Variants in CD96 observed in about 807,000 individuals in gnomAD.
The protein encoded by CD96 is T-cell surface protein tactile.
CD96 carries 70 observed loss-of-function variants against 71.3 expected under a neutral mutation model. The observed-to-expected ratio is 0.98, with a 90% CI of 0.81 to 1.20. CD96 has a LOEUF of 1.20. Among genes scored for constraint, CD96 ranks in the 50% most tolerant of loss-of-function variants. The pLI is 0.00. For synonymous variants in CD96, 248 were observed against 233.0 expected, an observed-to-expected ratio of 1.06 and a Z score of -0.59; for missense variants, 742 against 677.5, an observed-to-expected ratio of 1.10 and a Z score of -1.06.
chr3:111,543,300 C>G (rs570255494), intron 1 of CD96, among the ~76,000 whole-genome samples: 1 of 152,226 alleles, frequency 6.6e-6, no homozygotes, highest in South Asian at 2.1e-4. Flanking sequence ...AAAACTGAGG[C>G]CAACACTATT....
chr3:111,608,484 T>G (rs145947251), intron 8 of CD96, among the ~76,000 whole-genome samples: 86 of 152,340 alleles, frequency 5.6e-4, no homozygotes, highest in African/African-American at 1.9e-3. Context: ...AAAGGCAATG[T>G]GGTTTGATCT....
intron 7 of CD96, among the ~76,000 whole-genome samples, chr3:111,603,103 T>C (rs1937533585): frequency 6.6e-6 from 1 of 152,086 alleles, no homozygotes; most frequent in Non-Finnish European, 1.5e-5. Context: ...ACCTGCAGAA[T>C]TCCCATGATC....
At chr3:111,554,965 G>T (rs183471458) in intron 2 of CD96, among the ~76,000 whole-genome samples, 1 of 151,956 alleles carries the variant, frequency 6.6e-6, no homozygotes, top group African/African-American at 2.4e-5. Context: ...CCTCAAATGT[G>T]TAATTCACAA....
chr3:111,615,167 A>T (rs1008579269), intron 8 of CD96, among the ~76,000 whole-genome samples: 2 of 152,256 alleles, frequency 1.3e-5, no homozygotes, highest in African/African-American at 2.4e-5. Context: ...GTTCTGCATT[A>T]ACCATTGAAG....
intron 5 of CD96, 31 bp downstream of exon 5, chr3:111,585,409 C>T (rs770800180): frequency 2.9e-6 from 4 of 1,397,672 alleles, no homozygotes; most frequent in East Asian, 4.6e-5. Flanking sequence ...TGAAAATCTA[C>T]AGTATTACAT....
At chr3:111,577,683 G>T in intron 3 of CD96, 1 of 759,228 alleles carries the variant, frequency 1.3e-6, no homozygotes, top group Admixed American at 1.8e-5. Context: ...TTACATAAGA[G>T]TTTCTACTAA....
At chr3:111,662,402 G>A (rs1053376961) in intron 14 of CD96, among the ~76,000 whole-genome samples, 1 of 152,166 alleles carries the variant, frequency 6.6e-6, no homozygotes, top group African/African-American at 2.4e-5. Context: ...CAGCAGCCTC[G>A]AAAGTCCCCC....
chr3:111,588,050 T>C (rs992476508), intron 5 of CD96, among the ~76,000 whole-genome samples: 1 of 152,250 alleles, frequency 6.6e-6, no homozygotes, highest in East Asian at 1.9e-4. Context: ...TTGTTACTTA[T>C]GCAAATTTCT....
chr3:111,616,491 A>G (rs1036944953), intron 8 of CD96, among the ~76,000 whole-genome samples: 5 of 152,020 alleles, frequency 3.3e-5, no homozygotes, highest in African/African-American at 1.2e-4. Context: ...AAGGCCTGCT[A>G]TTCTGGGTGG....
In CD96 at chr3:111,579,230, T is replaced by G. The variant is rs753893181; in HGVS notation, c.747T>G (p.Val249=). Residue 249 remains valine (V), a synonymous_variant, in exon 4 of 14, where the codon GTT becomes GTG. Transcript: ENST00000352690. ...TGAGGAGCTCCACCACAGTCAAGGT[T>G]TTTGGTAAGGGCTTTTGTTCTACAG... ...KILRSSTTVK[V]FAKPEIPVIV... The G allele has an allele frequency of 1.9e-6, 3 of 1,568,416 alleles. No homozygotes were observed. The highest frequency in any genetic ancestry group is 3.3e-5 in the Admixed American group (2 of 59,954).
At chr3:111,562,783 A>G (rs1167304916) in intron 2 of CD96, among the ~76,000 whole-genome samples, 1 of 152,178 alleles carries the variant, frequency 6.6e-6, no homozygotes, top group Non-Finnish European at 1.5e-5. Flanking sequence ...TCCCTGACTC[A>G]GTGTGTAGTT....
intron 3 of CD96, among the ~76,000 whole-genome samples, chr3:111,570,332 G>T (rs1216935534): frequency 1.3e-5 from 2 of 152,066 alleles, no homozygotes; most frequent in Non-Finnish European, 2.9e-5. Context: ...AGGCATTGGG[G>T]GGTGAGAGGT....
chr3:111,623,692 G>T, intron 8 of CD96, 62 bp from the exon 9 acceptor site: 1 of 978,768 alleles, frequency 1.0e-6, no homozygotes, highest in Non-Finnish European at 1.7e-6. Context: ...AAATGTAGTG[G>T]CACAGTTAAA....
rs1940105346 is a variant in CD96, at chr3:111,652,008, C to G, written c.*2202C>G. 6.6e-6 allele frequency: 1 copy of G among 152,206 alleles called. No homozygotes were observed. Among genetic ancestry groups the G allele is most frequent in the Admixed American group, 6.5e-5 (1 of 15,274 alleles). 9.4% of individuals were successfully genotyped at this position (152,206 alleles called of 1,614,324 possible). On this transcript the variant is annotated 3_prime_UTR_variant, in exon 14 of 14. Coordinates refer to ENST00000352690, the MANE Select transcript of CD96 (RefSeq NM_005816.5). ...GGGAGCCATCTTGGAAGCAGATCCT[C>G]CAGCCTCCAGTCAAGTCTTCAGATA... is the stretch of plus-strand genomic sequence containing the variant.
Position 111,650,372 on chromosome 3 carries a change from T to G in CD96, c.*566T>G, listed in dbSNP as rs1940021546. The G allele has an allele frequency of 6.0e-6, 1 of 165,716 alleles. No homozygotes were observed. The highest frequency in any genetic ancestry group is 2.4e-5 in the African/African-American group (1 of 41,630). The allele number at this position is 165,716 out of a possible 1,614,324, so 10.3% of individuals were successfully genotyped here. A position where few individuals can be genotyped will look rare whatever the true frequency, so the allele number is the denominator to read the frequency against. On this transcript the variant is annotated 3_prime_UTR_variant, in exon 14 of 14. Coordinates refer to ENST00000352690, the MANE Select transcript of CD96 (RefSeq NM_005816.5). ...AATACTTTGCACAGGAACCACATTT[T>G]CAATCCTCCTTCACTGTCTTCCTAC...
In CD96 at chr3:111,642,561, C is replaced by A. The variant is rs149909568; in HGVS notation, c.1477+4393C>A. On this transcript the variant is annotated intron_variant, in intron 12 of 13. Transcript: ENST00000352690. Reference sequence around the variant, plus strand: ...CAGTGGCTCATGCCTGTAATCCCAGCACTTTGGGAGGCTGAAGCCAGTGGA... The same window carrying A: ...CAGTGGCTCATGCCTGTAATCCCAGAACTTTGGGAGGCTGAAGCCAGTGGA... Among the ~76,000 whole-genome samples, 4 of 152,286 alleles carry A rather than the reference C, an allele frequency of 2.6e-5. No individual in the cohort carries two copies. The South Asian group carries it at 8.3e-4, about 32-fold the overall frequency.
chr3:111,606,971 T>C, intron 8 of CD96, 179 bp downstream of exon 8: 1 of 662,540 alleles, frequency 1.5e-6, no homozygotes, highest in Non-Finnish European at 2.7e-6. Flanking sequence ...AACTTGCCCA[T>C]TTAAAATGTA....
chr3:111,648,671 A>G (rs1283446046), intron 13 of CD96, among the ~76,000 whole-genome samples: 1 of 152,168 alleles, frequency 6.6e-6, no homozygotes, highest in Non-Finnish European at 1.5e-5. Context: ...GAAAATCTGA[A>G]CTGATTTTTT....
intron 4 of CD96, 161 bp downstream of exon 4, chr3:111,579,395 A>T (rs768313338): frequency 2.9e-6 from 2 of 701,682 alleles, no homozygotes; most frequent in Non-Finnish European, 2.6e-6. Context: ...GGGCAGGGGG[A>T]TGAGGGTAGG....
Sources: gnomAD v4.1 joint callset for allele counts (sites outside exome capture counted in the v4.1 genomes callset) on GRCh38, gnomAD v4.1.1 for gene constraint, MANE v1.5 for transcripts, NCBI Gene and HGNC (gene_info 2026-07-23, HGNC 2026-07-21) for gene names.